The following DPP6 variants were observed in gnomAD, a reference collection of about 807,000 sequenced individuals.
DPP6 encodes A-type potassium channel modulatory protein DPP6.
Under a neutral mutation model 122.6 loss-of-function variants are expected in DPP6, and 69 were observed. The observed-to-expected ratio is 0.56, with a 90% CI of 0.46 to 0.69. The LOEUF is 0.69. DPP6 is among the 30% of genes least tolerant of loss of function. DPP6 has a pLI of 0.00. For missense variants in DPP6, 928 were observed against 1,116.9 expected (o/e 0.83, Z 2.41); for synonymous variants, 418 against 433.1 (o/e 0.97, Z 0.43).
At chr7:153,754,117 T>C in the DPP6 span, among the ~76,000 whole-genome samples, 2 of 152,208 alleles carry the variant, frequency 1.3e-5, no homozygotes, top group African/African-American at 2.4e-5. Flanking sequence ...CTACTTCTAG[T>C]GTTTATTTTA....
intron 1 of DPP6, among the ~76,000 whole-genome samples, chr7:154,232,377 C>G (rs934195272): frequency 2.1e-4 from 32 of 152,168 alleles, no homozygotes; most frequent in Non-Finnish European, 2.9e-5. Context: ...CTGGAGTGAT[C>G]ATCTACTGAT....
intron 5 of DPP6, among the ~76,000 whole-genome samples, chr7:154,616,589 CG>C (rs1417116964): frequency 4.9e-4 from 75 of 152,200 alleles, no homozygotes; most frequent in African/African-American, 1.8e-3. Flanking sequence ...GACTCTCGGG[CG>C]CGAGCGAATC....
chr7:153,888,982 GAACA>G (rs1799070241), intron 1 of DPP6, among the ~76,000 whole-genome samples: 1 of 152,118 alleles, frequency 6.6e-6, no homozygotes, highest in African/African-American at 2.4e-5. Flanking sequence ...TACATTAATT[GAACA>G]AATACCCAGC....
rs773422748 is a variant in DPP6 at position 154,195,238 on chromosome 7, C to G, written c.243+142175C>G. Among the ~76,000 whole-genome samples, 148 of 152,180 alleles carry G rather than the reference C, an allele frequency of 9.7e-4. 1 individual carries two copies. The highest frequency in any genetic ancestry group is 1.3e-3 in the Non-Finnish European group (86 of 68,050). On this transcript the variant is annotated intron_variant, in intron 1 of 25. Coordinates refer to ENST00000377770, the MANE Select transcript of DPP6 (RefSeq NM_130797.4). ...CCATTTCTCGAAAAGACGATCCTTC[C>G]TCCTTGAAATATGGCAGTAACAAAT...
intron 1 of DPP6, among the ~76,000 whole-genome samples, chr7:154,274,361 C>T (rs1803990054): frequency 6.6e-6 from 1 of 152,160 alleles, no homozygotes; most frequent in Admixed American, 6.5e-5. Context: ...ATTACAAATG[C>T]AAATACAACC....
chr7:154,076,629 C>T (rs1308196414), intron 1 of DPP6, among the ~76,000 whole-genome samples: 3 of 150,106 alleles, frequency 2.0e-5, no homozygotes, highest in Non-Finnish European at 3.0e-5. Context: ...ATTTGAAATA[C>T]AGGATGCGTA....
chr7:154,103,977 G>T (rs904619547), intron 1 of DPP6, among the ~76,000 whole-genome samples: 2 of 152,204 alleles, frequency 1.3e-5, no homozygotes, highest in African/African-American at 4.8e-5. Flanking sequence ...TCCCCAGCTT[G>T]CAGATGGCCT....
chr7:154,401,347 AC>A (rs1815580460), intron 1 of DPP6, among the ~76,000 whole-genome samples: 1 of 152,240 alleles, frequency 6.6e-6, no homozygotes, highest in Non-Finnish European at 1.5e-5. Context: ...AATAATGACA[AC>A]TTTGGAAAAT....
At chr7:154,382,794 C>T (rs1228138976) in intron 1 of DPP6, among the ~76,000 whole-genome samples, 8 of 151,990 alleles carry the variant, frequency 5.3e-5, no homozygotes, top group East Asian at 3.9e-4. Context: ...TGCAATGGTG[C>T]GGTCTCAGCT....
intron 1 of DPP6, among the ~76,000 whole-genome samples, chr7:154,368,337 T>A (rs1325160949): frequency 6.6e-6 from 1 of 152,190 alleles, no homozygotes; most frequent in Non-Finnish European, 1.5e-5. Context: ...GGCAGCAGCA[T>A]CAGCCTCACT....
Position 153,981,055 on chromosome 7 carries a change from A to G in DPP6, c.51+93321A>G, listed in dbSNP as rs191932275. Among the ~76,000 whole-genome samples, 594 of 152,314 alleles carry G rather than the reference A, an allele frequency of 3.9e-3. 3 individuals carry two copies. The highest frequency in any genetic ancestry group is 0.013 in the African/African-American group (560 of 41,574). On this transcript the variant is annotated intron_variant, in intron 1 of 25. Coordinates refer to the DPP6 transcript ENST00000404039. ...GGGGTGGAGAGTTCTGTAGATGCCT[A>G]TTAAGTCCACTTGGTCCAGAGCTGA...
intron 1 of DPP6, among the ~76,000 whole-genome samples, chr7:154,023,897 T>C (rs934594686): frequency 2.6e-5 from 4 of 152,176 alleles, no homozygotes; most frequent in African/African-American, 9.7e-5. Context: ...AAGATGCATC[T>C]GTCTCTGTTA....
At chr7:154,683,870 T>A (rs1839435348) in intron 7 of DPP6, among the ~76,000 whole-genome samples, 1 of 152,176 alleles carries the variant, frequency 6.6e-6, no homozygotes, top group African/African-American at 2.4e-5. Flanking sequence ...ACACTCTTTT[T>A]TTAAAAAATG....
chr7:154,469,496 G>C (rs1822076020), intron 2 of DPP6, among the ~76,000 whole-genome samples: 1 of 152,174 alleles, frequency 6.6e-6, no homozygotes, highest in African/African-American at 2.4e-5. Flanking sequence ...TACCATCTCA[G>C]CTCTGACCTA....
chr7:154,247,968 C>G, intron 1 of DPP6, among the ~76,000 whole-genome samples: 1 of 152,116 alleles, frequency 6.6e-6, no homozygotes, highest in Admixed American at 6.5e-5. Flanking sequence ...GGCTTATAAA[C>G]AAAAGAAATG....
chr7:154,882,259 T>G (rs561419582), intron 21 of DPP6, among the ~76,000 whole-genome samples: 2 of 152,276 alleles, frequency 1.3e-5, no homozygotes, highest in South Asian at 4.1e-4. Flanking sequence ...AGAGCACAAC[T>G]GATGCACCCC....
At chr7:153,780,272 G>T in the DPP6 span, among the ~76,000 whole-genome samples, 1 of 152,152 alleles carries the variant, frequency 6.6e-6, no homozygotes, top group Non-Finnish European at 1.5e-5. Flanking sequence ...ATAGAGAAAT[G>T]ATTCCATGGT....
intron 16 of DPP6, among the ~76,000 whole-genome samples, chr7:154,851,776 C>A (rs1181387512): frequency 7.0e-6 from 1 of 143,498 alleles, no homozygotes; most frequent in Non-Finnish European, 1.5e-5. Context: ...TAAGAAAATA[C>A]TTATTCTTTA....
chr7:154,169,668 GT>G (rs994832780), intron 1 of DPP6, among the ~76,000 whole-genome samples: 1 of 152,090 alleles, frequency 6.6e-6, no homozygotes, highest in African/African-American at 2.4e-5. Flanking sequence ...TACTTTTACT[GT>G]TATTATAAGG....
Sources: gnomAD v4.1 joint callset for allele counts (sites outside exome capture counted in the v4.1 genomes callset) on GRCh38, gnomAD v4.1.1 for gene constraint, MANE v1.5 for transcripts, NCBI Gene and HGNC (gene_info 2026-07-23, HGNC 2026-07-21) for gene names.